MEGF11: variants seen among roughly 807,000 people sequenced by gnomAD.
MEGF11 encodes the protein multiple EGF like domains 11.
In MEGF11, 126 loss-of-function variants were observed where a neutral mutation model predicts 146.6. The ratio of observed to expected loss-of-function variants is 0.86; its 90% CI spans 0.74 to 1.00. MEGF11 has a LOEUF of 1.00. Among genes scored for constraint, MEGF11 ranks in the 50% least tolerant of loss-of-function variants. MEGF11 has a pLI of 0.00. For missense variants in MEGF11, 1,509 were observed against 1,521.2 expected (o/e 0.99, Z 0.13); for synonymous variants, 532 against 583.4 (o/e 0.91, Z 1.27).
intron 24 of MEGF11, 36 bp from the exon 25 acceptor site, chr15:65,898,970 A>T (rs757384727): frequency 6.2e-7 from 1 of 1,605,352 alleles, no homozygotes; most frequent in Admixed American, 1.7e-5. Flanking sequence ...GACAAGCAAG[A>T]ATACAAGTCT....
At chr15:66,113,378 C>T (rs2087539612) in intron 4 of MEGF11, among the ~76,000 whole-genome samples, 2 of 152,168 alleles carry the variant, frequency 1.3e-5, no homozygotes, top group African/African-American at 2.4e-5. Context: ...TTCCAAGCCA[C>T]CACTGAAAGG....
At chr15:65,913,997 G>A in intron 19 of MEGF11, 24 bp from the exon 20 acceptor site, 1 of 1,597,776 alleles carries the variant, frequency 6.3e-7, no homozygotes, top group Non-Finnish European at 8.6e-7. Flanking sequence ...GAGGGCCTGA[G>A]CCTGGGGCTG....
chr15:66,234,015 A>C (rs2092033660), intron 1 of MEGF11, among the ~76,000 whole-genome samples: 1 of 135,246 alleles, frequency 7.4e-6, no homozygotes, highest in South Asian at 2.3e-4. Context: ...AGCTCACTGC[A>C]ACCTCCACCT....
At chr15:66,217,999 C>T (rs977760246) in intron 1 of MEGF11, among the ~76,000 whole-genome samples, 3 of 152,196 alleles carry the variant, frequency 2.0e-5, no homozygotes, top group Non-Finnish European at 4.4e-5. Flanking sequence ...CTCTCGGCAG[C>T]TCTTGGCACA....
At chr15:66,167,947 G>C (rs2090145722) in intron 1 of MEGF11, among the ~76,000 whole-genome samples, 1 of 152,150 alleles carries the variant, frequency 6.6e-6, no homozygotes, top group Non-Finnish European at 1.5e-5. Flanking sequence ...ACCCCTGCTG[G>C]GCAGGCAGCA....
chr15:66,038,223 C>T (rs1215679483), intron 5 of MEGF11, among the ~76,000 whole-genome samples: 6 of 152,048 alleles, frequency 3.9e-5, no homozygotes, highest in East Asian at 1.9e-4. Context: ...GACGGGGTGA[C>T]GGAAAAAGCA....
At chr15:65,974,706 TG>T (rs917053520) in intron 7 of MEGF11, among the ~76,000 whole-genome samples, 1 of 151,932 alleles carries the variant, frequency 6.6e-6, no homozygotes, top group African/African-American at 2.4e-5. Context: ...CCTGGAGGTG[TG>T]GGGGTACTCC....
At position 65,982,164 on chromosome 15, in the gene MEGF11, T is replaced by G; in HGVS notation, c.641+78A>C. The G allele has an allele frequency of 2.7e-6, 2 of 734,986 alleles. No individual in the cohort carries two copies. Among genetic ancestry groups the G allele is most frequent in the Non-Finnish European group, 3.5e-6 (2 of 572,422 alleles). 45.5% of individuals were successfully genotyped at this position (734,986 alleles called of 1,614,324 possible). A position where few individuals can be genotyped will look rare whatever the true frequency, so the allele number is the denominator to read the frequency against. On this transcript the variant is annotated intron_variant, in intron 6 of 25. Coordinates refer to ENST00000395614, the MANE Select transcript of MEGF11 (RefSeq NM_001385028.1). This position sits in a 1 kb window ranked among gnomAD's most constrained non-coding sequence, Gnocchi z 5.6. The stretch of plus-strand genomic sequence containing the variant: ...GCCCCGCCCCAGCCCCTCCACCTCC[T>G]CTACCCTCCCCACCCAGGCACCCTC...
intron 22 of MEGF11, 65 bp from the exon 23 acceptor site, chr15:65,909,200 G>C (rs1236898488): frequency 5.1e-6 from 6 of 1,181,840 alleles, no homozygotes; most frequent in Admixed American, 4.0e-5. Context: ...GGGGAAGGGG[G>C]TAGGAAGTAC....
intron 5 of MEGF11, among the ~76,000 whole-genome samples, chr15:66,054,296 C>T (rs1012020224): frequency 6.6e-6 from 1 of 152,330 alleles, no homozygotes; most frequent in Admixed American, 6.5e-5. Flanking sequence ...ATCAGGTCCC[C>T]TCTTGGTTTA....
chr15:65,940,791 G>A (rs1295664356), intron 10 of MEGF11, among the ~76,000 whole-genome samples: 1 of 152,210 alleles, frequency 6.6e-6, no homozygotes. Flanking sequence ...CAGGTGGGAG[G>A]AGGAGAAAGG....
intron 4 of MEGF11, among the ~76,000 whole-genome samples, chr15:66,101,723 A>T (rs2086817408): frequency 6.6e-6 from 1 of 152,230 alleles, no homozygotes; most frequent in Admixed American, 6.5e-5. Flanking sequence ...CAGGGCTCTA[A>T]TTGTACTAAC....
chr15:66,008,049 A>G lies in MEGF11; in HGVS notation c.395-25561T>C, dbSNP rs74770102. ...GGATGTATGGGACAGTGAAGTGTCC[A>G]CTATGCAGACCAAGAGCCCAGGGGA... On this transcript the variant is annotated intron_variant, in intron 5 of 25. Transcript: ENST00000395614. 3.4e-3 allele frequency among the ~76,000 whole-genome samples: 515 copies of G among 152,326 alleles called. 4 individuals are homozygous for G. Among genetic ancestry groups the G allele is most frequent in the African/African-American group, 0.012 (481 of 41,564 alleles).
At chr15:65,916,116 A>T (rs2078988337) in intron 18 of MEGF11, 32 bp downstream of exon 18, 1 of 1,560,138 alleles carries the variant, frequency 6.4e-7, no homozygotes, top group Non-Finnish European at 8.7e-7. Flanking sequence ...GCCCAGCAGC[A>T]TCACCCAGGA....
At chr15:66,030,950 G>A (rs2140236416) in intron 5 of MEGF11, among the ~76,000 whole-genome samples, 1 of 152,316 alleles carries the variant, frequency 6.6e-6, no homozygotes, top group Non-Finnish European at 1.5e-5. Flanking sequence ...AAATGTAAGA[G>A]GGCTCATAAG....
chr15:65,957,279 G>A (rs2080682804), intron 10 of MEGF11, among the ~76,000 whole-genome samples: 1 of 152,222 alleles, frequency 6.6e-6, no homozygotes, highest in Non-Finnish European at 1.5e-5. Flanking sequence ...GTGTGCATAA[G>A]GATATGGACA....
Position 66,119,155 on chromosome 15 carries a change from G to A in MEGF11, c.232C>T (p.Leu78Phe). The A allele has an allele frequency of 6.4e-7, 1 of 1,551,590 alleles. No homozygotes were observed. The highest frequency in any genetic ancestry group is 8.7e-7 in the Non-Finnish European group (1 of 1,147,018). ...ISYKTAYRRG[L>F]RTMYRRRSQC... ...GACCTCCGCCGGTACATGGTCCGGAGGCCTCTCCGATACGCCGTCTTATAA... is the reference window on the plus strand; with the variant it reads ...GACCTCCGCCGGTACATGGTCCGGAAGCCTCTCCGATACGCCGTCTTATAA... The change falls in exon 4 of 26, where the codon CTC (leucine) becomes TTC (phenylalanine). Residue 78 changes from leucine (L) to phenylalanine (F), a missense_variant. By Grantham distance (22) the Leu-to-Phe change is conservative (BLOSUM62 0). Coordinates refer to ENST00000395614, the MANE Select transcript of MEGF11 (RefSeq NM_001385028.1).
Position 65,897,783 on chromosome 15 carries a change from C to T in MEGF11, c.*151G>A, listed in dbSNP as rs992964139. 1 of 701,216 alleles carries T rather than the reference C, an allele frequency of 1.4e-6. No homozygotes were observed. Among genetic ancestry groups the T allele is most frequent in the South Asian group, 3.0e-5 (1 of 33,844 alleles). The allele number at this position is 701,216 out of a possible 1,614,324, so 43.4% of individuals were successfully genotyped here. A position where few individuals can be genotyped will look rare whatever the true frequency, so the allele number is the denominator to read the frequency against. On this transcript the variant is annotated 3_prime_UTR_variant, in exon 26 of 26. Coordinates refer to ENST00000395614, the MANE Select transcript of MEGF11 (RefSeq NM_001385028.1). ...AATTCCTTGAACAATTATCCCAGTC[C>T]CACCTGGACGCTCTTCTTTAGTTCC...
intron 5 of MEGF11, among the ~76,000 whole-genome samples, chr15:66,020,229 G>C (rs570714045): frequency 1.3e-5 from 2 of 152,348 alleles, no homozygotes; most frequent in South Asian, 2.1e-4. Flanking sequence ...TCAATCCTGG[G>C]ACTCCAACAG....
Sources: allele counts gnomAD v4.1 joint callset (sites outside exome capture counted in the v4.1 genomes callset), GRCh38; gene constraint gnomAD v4.1.1; non-coding constraint Gnocchi (gnomAD v3.1); transcripts MANE v1.5; gene names NCBI Gene and HGNC (gene_info 2026-07-23, HGNC 2026-07-21).